CDH13: variants seen among roughly 807,000 people sequenced by gnomAD.
CDH13 encodes the protein cadherin 13, also known as cadherin-13.
CDH13 carries 24 observed loss-of-function variants against 63.8 expected under a neutral mutation model. The ratio of observed to expected loss-of-function variants is 0.38; its 90% confidence interval spans 0.27 to 0.53. The LOEUF is 0.53. CDH13 is among the 20% of genes least tolerant of loss of function. CDH13 has a pLI of 0.85. For missense variants in CDH13, 1,049 were observed against 903.1 expected, an observed-to-expected ratio of 1.16 and a Z score of -2.07; for synonymous variants, 503 against 355.3, an observed-to-expected ratio of 1.42 and a Z score of -4.67.
chr16:82,676,976 C>T (rs773374871), intron 1 of CDH13, among the ~76,000 whole-genome samples: 11 of 152,168 alleles, frequency 7.2e-5, no homozygotes, highest in Non-Finnish European at 1.2e-4. Context: ...CTCCGCCTCC[C>T]AGGTTCAAGC....
chr16:83,756,895 G>C (rs1463465306), intron 11 of CDH13, among the ~76,000 whole-genome samples: 1 of 152,148 alleles, frequency 6.6e-6, no homozygotes, highest in African/African-American at 2.4e-5. Context: ...AAGGAGTAAA[G>C]CTGTAAAAGA....
Position 82,741,057 on chromosome 16 carries a change from C to G in CDH13, c.45+113920C>G, listed in dbSNP as rs549698662. ...AACCTTGACCTAGTATACATACTCTCTCACTCTCACTCTCCCCACACCCCC... is the reference window on the plus strand; with the variant it reads ...AACCTTGACCTAGTATACATACTCTGTCACTCTCACTCTCCCCACACCCCC... On this transcript the variant is annotated intron_variant, in intron 1 of 13. Coordinates refer to ENST00000567109, the MANE Select transcript of CDH13 (RefSeq NM_001257.5). Among the ~76,000 whole-genome samples the G allele has an allele frequency of 1.5e-3, 221 of 152,218 alleles. 2 individuals carry two copies. In the Middle Eastern group the frequency reaches 0.027, roughly 19 times the overall value.
chr16:83,382,653 C>G (rs879219460), intron 6 of CDH13, among the ~76,000 whole-genome samples: 1 of 152,162 alleles, frequency 6.6e-6, no homozygotes, highest in Admixed American at 6.5e-5. Flanking sequence ...TCTCCACACC[C>G]CGTTCAGGGT....
At chr16:83,460,203 T>C (rs546592640) in intron 6 of CDH13, among the ~76,000 whole-genome samples, 61 of 152,364 alleles carry the variant, frequency 4.0e-4, no homozygotes, top group African/African-American at 1.4e-3. Flanking sequence ...ATTTATATAA[T>C]TTTATGTCTT....
intron 1 of CDH13, among the ~76,000 whole-genome samples, chr16:82,665,621 C>G (rs1042130591): frequency 1.3e-5 from 2 of 152,056 alleles, no homozygotes; most frequent in African/African-American, 4.8e-5. Context: ...GGCTGCATGC[C>G]TACCTCAAAC....
At chr16:82,637,371 C>T (rs1407227470) in intron 1 of CDH13, among the ~76,000 whole-genome samples, 1 of 151,188 alleles carries the variant, frequency 6.6e-6, no homozygotes, top group African/African-American at 2.4e-5. Flanking sequence ...TGCTGTATGC[C>T]AGGCACTCAC....
intron 7 of CDH13, among the ~76,000 whole-genome samples, chr16:83,591,639 C>T (rs964100196): frequency 6.6e-6 from 1 of 152,204 alleles, no homozygotes; most frequent in Non-Finnish European, 1.5e-5. Flanking sequence ...ATTCTCTCCC[C>T]TCACACCCAT....
At chr16:83,626,742 G>C (rs1910340181) in intron 8 of CDH13, among the ~76,000 whole-genome samples, 1 of 151,940 alleles carries the variant, frequency 6.6e-6, no homozygotes, top group Non-Finnish European at 1.5e-5. Context: ...AGAAGCAACG[G>C]AGCCATGACC....
intron 2 of CDH13, among the ~76,000 whole-genome samples, chr16:83,025,902 G>A (rs1223584196): frequency 2.0e-5 from 3 of 152,118 alleles, no homozygotes; most frequent in Non-Finnish European, 4.4e-5. Context: ...AGATACTAGT[G>A]CACACAGACC....
chr16:83,557,545 C>G (rs1159298643), intron 7 of CDH13, among the ~76,000 whole-genome samples: 2 of 152,126 alleles, frequency 1.3e-5, no homozygotes, highest in African/African-American at 2.4e-5. Flanking sequence ...CTCTGTAAGC[C>G]TTTCGGAAAT....
intron 7 of CDH13, among the ~76,000 whole-genome samples, chr16:83,527,605 T>C (rs1237582972): frequency 6.6e-6 from 1 of 152,178 alleles, no homozygotes; most frequent in Non-Finnish European, 1.5e-5. Context: ...ATTATAGAGA[T>C]GGCCCAGGGC....
chr16:83,408,370 T>A (rs2092078064), intron 6 of CDH13, among the ~76,000 whole-genome samples: 1 of 152,204 alleles, frequency 6.6e-6, no homozygotes, highest in South Asian at 2.1e-4. Flanking sequence ...TGTGCAAACA[T>A]CATATAGTGC....
At chr16:82,908,421 CTCAGTT>C (rs2041719012) in intron 2 of CDH13, among the ~76,000 whole-genome samples, 1 of 152,142 alleles carries the variant, frequency 6.6e-6, no homozygotes, top group African/African-American at 2.4e-5. Flanking sequence ...CAAAAGCGGT[CTCAGTT>C]ACCTTTGTAC....
At chr16:83,490,045 A>ACACG (rs1555559681) in intron 7 of CDH13, among the ~76,000 whole-genome samples, 1 of 150,124 alleles carries the variant, frequency 6.7e-6, no homozygotes, top group Non-Finnish European at 1.5e-5. Context: ...ACACACACAC[A>ACACG]CACAGCTCAC....
chr16:83,643,146 G>C (rs1354921391), intron 8 of CDH13, among the ~76,000 whole-genome samples: 1 of 57,266 alleles, frequency 1.7e-5, no homozygotes, highest in Admixed American at 2.0e-4. Context: ...GGTCGGGGGA[G>C]GGGGGAGGGA....
chr16:83,246,117 T>C (rs1904967485), intron 5 of CDH13, among the ~76,000 whole-genome samples: 1 of 152,228 alleles, frequency 6.6e-6, no homozygotes, highest in Non-Finnish European at 1.5e-5. Context: ...AGTCAAGATT[T>C]AGAATAGGGT....
intron 1 of CDH13, among the ~76,000 whole-genome samples, chr16:82,832,982 G>A (rs946434195): frequency 2.0e-5 from 3 of 152,154 alleles, no homozygotes; most frequent in Non-Finnish European, 4.4e-5. Context: ...CCATGGATTA[G>A]CAATATGTGT....
intron 5 of CDH13, among the ~76,000 whole-genome samples, chr16:83,307,890 G>T (rs1418669356): frequency 6.6e-6 from 1 of 152,134 alleles, no homozygotes; most frequent in Non-Finnish European, 1.5e-5. Context: ...GCACTTCCAT[G>T]CTGAGATCTA....
intron 2 of CDH13, among the ~76,000 whole-genome samples, chr16:82,893,269 G>T (rs540955142): frequency 1.1e-4 from 16 of 152,342 alleles, no homozygotes; most frequent in Non-Finnish European, 2.1e-4. Flanking sequence ...GTTGGCATCA[G>T]CAGTTTTGAT....
Sources: gnomAD v4.1 joint callset for allele counts (sites outside exome capture counted in the v4.1 genomes callset) on GRCh38, gnomAD v4.1.1 for gene constraint, MANE v1.5 for transcripts, NCBI Gene and HGNC (gene_info 2026-07-23, HGNC 2026-07-21) for gene names.